The following NECAB2 variants were observed in gnomAD, a reference collection of about 807,000 sequenced individuals.
NECAB2 encodes the protein N-terminal EF-hand calcium-binding protein 2.
A neutral mutation model predicts 51.9 loss-of-function variants in NECAB2; 68 were observed. The observed-to-expected ratio is 1.31, with a 90% CI of 1.08 to 1.60. The LOEUF (loss-of-function observed/expected upper bound fraction) is 1.60, where lower values mean the gene tolerates loss of function less well. Among genes scored for constraint, NECAB2 ranks in the 40% most tolerant of loss-of-function variants. The pLI, the probability that NECAB2 is intolerant of heterozygous loss-of-function variation, is 0.00. For synonymous variants in NECAB2, 329 were observed against 203.5 expected (o/e 1.62, Z -5.25); for missense variants, 854 against 490.3 (o/e 1.74, Z -7.00).
At chr16:83,999,032 A>G (rs2084767783) in intron 10 of NECAB2, among the ~76,000 whole-genome samples, 1 of 152,050 alleles carries the variant, frequency 6.6e-6, no homozygotes, top group Admixed American at 6.5e-5. Context: ...GCTTTCTTCC[A>G]TCCCCAGAGC....
chr16:83,972,119 C>T, intron 1 of NECAB2, 32 bp from the exon 2 acceptor site: 1 of 1,612,734 alleles, frequency 6.2e-7, no homozygotes, highest in Non-Finnish European at 8.5e-7. Context: ...CTCTCCCTGG[C>T]CCAGGGCTGA....
intron 6 of NECAB2, 23 bp downstream of exon 6, chr16:83,990,653 G>A: frequency 6.2e-7 from 1 of 1,613,148 alleles, no homozygotes; most frequent in Non-Finnish European, 8.5e-7. Context: ...GACCCTGCAG[G>A]GTCCCATGGG....
intron 10 of NECAB2, among the ~76,000 whole-genome samples, chr16:83,999,053 T>C (rs1420151842): frequency 6.6e-6 from 1 of 152,124 alleles, no homozygotes; most frequent in African/African-American, 2.4e-5. Context: ...ACACACTCAT[T>C]CACCCCATTG....
At chr16:83,984,959 G>C (rs900356900) in intron 5 of NECAB2, among the ~76,000 whole-genome samples, 13 of 152,044 alleles carry the variant, frequency 8.6e-5, no homozygotes, top group African/African-American at 3.1e-4. Context: ...TGTTTTTGCT[G>C]TTCTTTTTCA....
At chr16:83,984,794 T>A (rs1056360119) in intron 5 of NECAB2, among the ~76,000 whole-genome samples, 8 of 152,210 alleles carry the variant, frequency 5.3e-5, no homozygotes, top group African/African-American at 1.9e-4. Context: ...TTTTTCTACA[T>A]TTTAAAACCT....
Position 83,998,222 on chromosome 16 carries a change from G to C in NECAB2, c.867G>C (p.Arg289=), listed in dbSNP as rs749288418. 2.7e-5 allele frequency: 44 copies of C among 1,610,638 alleles called. No homozygotes were observed. The highest frequency in any genetic ancestry group is 3.6e-5 in the Non-Finnish European group (43 of 1,179,974). The change falls in exon 10 of 13, where the codon CGG becomes CGC. Residue 289 remains arginine, a synonymous_variant. Transcript: ENST00000305202. ...DGTNMHLQLV[R]QEMAVCPEQL... Reference sequence around the variant, plus strand: ...CCCGGCAGCACCTGCAGCTGGTCCGGCAGGAGATGGCCGTGTGCCCCGAGC... The same window carrying C: ...CCCGGCAGCACCTGCAGCTGGTCCGCCAGGAGATGGCCGTGTGCCCCGAGC...
chr16:83,997,554 G>A (rs1796210175), intron 9 of NECAB2, among the ~76,000 whole-genome samples: 1 of 134,438 alleles, frequency 7.4e-6, no homozygotes, highest in African/African-American at 2.8e-5. Context: ...GTGGTGGGAT[G>A]TCGGCTTACT....
intron 8 of NECAB2, 88 bp from the exon 9 acceptor site, chr16:83,997,128 C>A (rs2084714875): frequency 6.4e-7 from 1 of 1,550,936 alleles, no homozygotes; most frequent in Non-Finnish European, 8.9e-7. Flanking sequence ...TGGGAGCTCC[C>A]AACAGCCCCA....
At position 84,002,565 on chromosome 16, in the gene NECAB2, T is replaced by G; in HGVS notation, c.*219T>G. 1 of 627,826 alleles carries G rather than the reference T, an allele frequency of 1.6e-6. No individual in the cohort carries two copies. Among genetic ancestry groups the G allele is most frequent in the Admixed American group, 2.9e-5 (1 of 34,930 alleles). The allele number at this position is 627,826 out of a possible 1,614,324, so 38.9% of individuals were successfully genotyped here. ...GCCAGGTCCTGGTGAAGCCCAAGGT[T>G]GAAGGGGGCGGCTTCCTGGAGCCAG... is the stretch of plus-strand genomic sequence containing the variant. On this transcript the variant is annotated 3_prime_UTR_variant, in exon 13 of 13. Coordinates refer to ENST00000305202, the MANE Select transcript of NECAB2 (RefSeq NM_019065.3).
chr16:83,965,765 TC>T, upstream of NECAB2: 2 of 1,612,746 alleles, frequency 1.2e-6, no homozygotes, highest in Non-Finnish European at 1.7e-6. Flanking sequence ...CCTCATCGGC[TC>T]CCACCCCGAC....
At chr16:83,974,875 T>C (rs2016025) in intron 2 of NECAB2, among the ~76,000 whole-genome samples, 17,296 of 143,066 alleles carry the variant, frequency 0.12, 1,873 homozygotes, top group African/African-American at 0.27. Context: ...TGCAGGGAGG[T>C]GTGGGTGCAG....
At chr16:83,988,095 A>T (rs2084577708) in intron 5 of NECAB2, among the ~76,000 whole-genome samples, 3 of 152,216 alleles carry the variant, frequency 2.0e-5, no homozygotes. Context: ...GCTTTTCTTC[A>T]TAAGTCCTTT....
chr16:83,980,823 C>A lies in NECAB2; in HGVS notation c.336-16C>A, dbSNP rs546644576. 5 of 1,572,040 alleles carry A rather than the reference C, an allele frequency of 3.2e-6. No individual in the cohort carries two copies. Among genetic ancestry groups the A allele is most frequent in the African/African-American group, 2.7e-5 (2 of 73,604 alleles). On this transcript the variant is annotated splice_polypyrimidine_tract_variant and intron_variant, in intron 3 of 12. Transcript: ENST00000305202. ...TCTCTGTCTCTGTCTGTCTCTGCCT[C>A]TGTCTGTCTCTGCAGCCATGTGGAC... is the stretch of plus-strand genomic sequence containing the variant.
intron 2 of NECAB2, among the ~76,000 whole-genome samples, chr16:83,972,970 C>G (rs1466885363): frequency 1.3e-5 from 2 of 152,246 alleles, no homozygotes; most frequent in Non-Finnish European, 2.9e-5. Context: ...GACAGATTCC[C>G]TCTCTGGGCC....
In NECAB2 at chr16:84,000,761, G is replaced by C. The variant is rs756751410; in HGVS notation, c.1000G>C (p.Val334Leu). The C allele has an allele frequency of 1.7e-5, 28 of 1,613,872 alleles. No individual in the cohort carries two copies. Among genetic ancestry groups the C allele is most frequent in the Admixed American group, 3.3e-5 (2 of 60,016 alleles). ...AVRLSDGFTF[V>L]IYEFWETEEA... ...GAGGCTCTCAGATGGCTTCACCTTT[G>C]TCATCTATGAGTTCTGGGAGACAGA... is the stretch of plus-strand genomic sequence containing the variant. Residue 334 changes from valine to leucine, a missense_variant, in exon 11 of 13, where the codon GTC (valine) becomes CTC (leucine). By Grantham distance (32) the Val-to-Leu change is conservative (BLOSUM62 1). Coordinates refer to ENST00000305202, the MANE Select transcript of NECAB2 (RefSeq NM_019065.3).
chr16:83,994,740 G>A (rs1227159618), intron 8 of NECAB2, 52 bp downstream of exon 8: 3 of 1,581,722 alleles, frequency 1.9e-6, no homozygotes, highest in Admixed American at 1.7e-5. Context: ...CTGAGGGAGT[G>A]CAGAGTTAAG....
At chr16:83,976,825 A>T (rs1029155718) in intron 2 of NECAB2, among the ~76,000 whole-genome samples, 12 of 152,142 alleles carry the variant, frequency 7.9e-5, no homozygotes, top group African/African-American at 2.9e-4. Context: ...CCTTGGCAAG[A>T]TCTGAGGACC....
At chr16:83,998,972 C>A (rs918844569) in intron 10 of NECAB2, among the ~76,000 whole-genome samples, 2 of 152,010 alleles carry the variant, frequency 1.3e-5, no homozygotes, top group African/African-American at 2.4e-5. Context: ...TGGTAGTGGT[C>A]CCCCGCCCCC....
At position 83,998,259 on chromosome 16, in the gene NECAB2, T is replaced by C; in HGVS notation, c.904T>C (p.Phe302Leu). Residue 302 changes from phenylalanine to leucine, a missense_variant, in exon 10 of 13, where the codon TTT (phenylalanine) becomes CTT (leucine). By Grantham distance (22) the Phe-to-Leu change is conservative. Transcript: ENST00000305202. ...MAVCPEQLSE[F>L]LDSLRQYLRG... ...CGTGTGCCCCGAGCAACTGAGCGAG[T>C]TTCTGGACTCTCTGCGCCAGTATCT... The C allele has an allele frequency of 3.7e-6, 6 of 1,612,832 alleles. No homozygotes were observed. Among genetic ancestry groups the C allele is most frequent in the Non-Finnish European group, 5.1e-6 (6 of 1,179,914 alleles).
Sources: gnomAD v4.1 joint callset for allele counts (sites outside exome capture counted in the v4.1 genomes callset) on GRCh38, gnomAD v4.1.1 for gene constraint, MANE v1.5 for transcripts, NCBI Gene and HGNC (gene_info 2026-07-23, HGNC 2026-07-21) for gene names.